Variants in ENTREP1 observed in about 807,000 individuals in gnomAD.
ENTREP1 encodes the protein Friedreich ataxia region gene X123.
the ENTREP1 span, chr9:69,325,501 C>T: frequency 2.1e-6 from 2 of 953,074 alleles, no homozygotes; most frequent in African/African-American, 1.8e-5. Flanking sequence ...CCGCTGCTGC[C>T]GGGGTGCTGG....
chr9:69,365,152 C>T, the ENTREP1 span, among the ~76,000 whole-genome samples: 1 of 152,130 alleles, frequency 6.6e-6, no homozygotes, highest in African/African-American at 2.4e-5. Flanking sequence ...TAAATTTTGA[C>T]AATTTGAATA....
the ENTREP1 span, chr9:69,375,642 A>C: frequency 3.0e-6 from 3 of 983,718 alleles, no homozygotes; most frequent in Non-Finnish European, 4.7e-6. Context: ...GAACCCTGCC[A>C]TCATCTCATT....
chr9:69,377,384 C>G, the ENTREP1 span: 2 of 1,612,814 alleles, frequency 1.2e-6, no homozygotes, highest in Non-Finnish European at 1.7e-6. Flanking sequence ...TCCTCTTTGC[C>G]CTGTGTGCCT....
chr9:69,353,795 T>C, the ENTREP1 span, among the ~76,000 whole-genome samples: 1 of 152,220 alleles, frequency 6.6e-6, no homozygotes, highest in African/African-American at 2.4e-5. Context: ...TCTAGAATAC[T>C]CTTCTTCTTC....
the ENTREP1 span, among the ~76,000 whole-genome samples, chr9:69,384,666 C>A: frequency 6.6e-6 from 1 of 152,196 alleles, no homozygotes; most frequent in Non-Finnish European, 1.5e-5. Context: ...TTTAAGGGAA[C>A]ATTGTTATGG....
chr9:69,380,644 G>A, the ENTREP1 span: 1 of 152,196 alleles, frequency 6.6e-6, no homozygotes, highest in African/African-American at 2.4e-5. Context: ...ATACAGGAGG[G>A]GGCCGTGCAC....
the ENTREP1 span, among the ~76,000 whole-genome samples, chr9:69,349,777 A>G: frequency 6.6e-6 from 1 of 152,206 alleles, no homozygotes; most frequent in Non-Finnish European, 1.5e-5. Context: ...CAGAACATGT[A>G]CATTAGCCAA....
At chr9:69,357,730 G>A in the ENTREP1 span, among the ~76,000 whole-genome samples, 9 of 152,282 alleles carry the variant, frequency 5.9e-5, no homozygotes, top group East Asian at 1.5e-3. Context: ...GAGTGGTTGT[G>A]ATTTATGATG....
the ENTREP1 span, among the ~76,000 whole-genome samples, chr9:69,390,656 T>C: frequency 3.9e-5 from 6 of 152,244 alleles, no homozygotes; most frequent in South Asian, 1.2e-3. Context: ...TGTTTCTTTT[T>C]TGAAACAAGG....
chr9:69,387,497 T>G, the ENTREP1 span: 1 of 191,692 alleles, frequency 5.2e-6, no homozygotes, highest in South Asian at 1.1e-4. Flanking sequence ...CTTGCTGATA[T>G]AGGCAGCCAT....
chr9:69,339,009 C>A, the ENTREP1 span, among the ~76,000 whole-genome samples: 9 of 152,164 alleles, frequency 5.9e-5, no homozygotes, highest in Admixed American at 2.6e-4. Flanking sequence ...GAGAAATCCG[C>A]AGTTCATATG....
At chr9:69,356,483 G>A in the ENTREP1 span, among the ~76,000 whole-genome samples, 40 of 58,192 alleles carry the variant, frequency 6.9e-4, no homozygotes, top group Non-Finnish European at 1.5e-3. Flanking sequence ...TGATCTTTGT[G>A]GTTGGGGAGT....
At chr9:69,383,232 A>T in the ENTREP1 span, 1 of 703,420 alleles carries the variant, frequency 1.4e-6, no homozygotes, top group Non-Finnish European at 1.8e-6. Flanking sequence ...GTGCATTCAC[A>T]TTATTTCGTA....
chr9:69,326,247 T>G, the ENTREP1 span, among the ~76,000 whole-genome samples: 1 of 152,092 alleles, frequency 6.6e-6, no homozygotes, highest in South Asian at 2.1e-4. Flanking sequence ...ATGTGTAGGG[T>G]GGCTCGACCC....
chr9:69,369,186 T>G, the ENTREP1 span, among the ~76,000 whole-genome samples: 2 of 152,206 alleles, frequency 1.3e-5, no homozygotes, highest in Non-Finnish European at 2.9e-5. Flanking sequence ...CTGCATAGTA[T>G]TCCATCGTGT....
chr9:69,380,640 G>C, the ENTREP1 span: 1 of 152,240 alleles, frequency 6.6e-6, no homozygotes, highest in Non-Finnish European at 1.5e-5. Flanking sequence ...TGTAATACAG[G>C]AGGGGGCCGT....
chr9:69,379,376 G>A, the ENTREP1 span, among the ~76,000 whole-genome samples: 5 of 152,212 alleles, frequency 3.3e-5, no homozygotes, highest in Non-Finnish European at 5.9e-5. Context: ...CAGGGGCAGA[G>A]ATGACTGCAA....
chr9:69,389,328 A>G, the ENTREP1 span, among the ~76,000 whole-genome samples: 2 of 152,216 alleles, frequency 1.3e-5, no homozygotes, highest in Non-Finnish European at 2.9e-5. Context: ...TTCAGGATGT[A>G]GGTAAATTTT....
the ENTREP1 span, chr9:69,388,498 T>C: frequency 7.0e-7 from 1 of 1,433,242 alleles, no homozygotes; most frequent in Non-Finnish European, 9.4e-7. Flanking sequence ...CTCATTTTCA[T>C]AGCAGCTAAA....
Sources: gnomAD v4.1 joint callset for allele counts (sites outside exome capture counted in the v4.1 genomes callset) on GRCh38, gnomAD v4.1.1 for gene constraint, MANE v1.5 for transcripts, NCBI Gene and HGNC (gene_info 2026-07-23, HGNC 2026-07-21) for gene names.